Variants in CCN4 observed in about 807,000 individuals in gnomAD.
The protein encoded by CCN4 is CCN family member 4.
In CCN4, 30 loss-of-function variants were observed where a neutral mutation model predicts 36.7. The ratio of observed to expected loss-of-function variants is 0.82; its 90% CI spans 0.61 to 1.11. The LOEUF (loss-of-function observed/expected upper bound fraction) is 1.11. CCN4 is among the 50% of genes least tolerant of loss of function. The pLI is 0.00. For synonymous variants in CCN4, 191 were observed against 195.4 expected, an observed-to-expected ratio of 0.98 and a Z score of 0.19; for missense variants, 505 against 504.9, an observed-to-expected ratio of 1.00 and a Z score of 0.00.
rs1854498704 is a variant in CCN4, at chr8:133,220,811, A to G, written c.580A>G (p.Lys194Glu). Reference sequence around the variant, plus strand: ...TGAGGACGACGCCAAGAGGCCACGCAAGACCGCACCCCGTGACACAGGAGC... The same window carrying G: ...TGAGGACGACGCCAAGAGGCCACGCGAGACCGCACCCCGTGACACAGGAGC... Reference protein sequence around the residue: ...VCEDDAKRPRKTAPRDTGAFD... With the variant: ...VCEDDAKRPRETAPRDTGAFD... Residue 194 changes from lysine to glutamate, a missense_variant, in exon 3 of 5, where the codon AAG becomes GAG. Lys to Glu is a moderately conservative substitution (Grantham distance 56). Coordinates refer to ENST00000250160, the MANE Select transcript of CCN4 (RefSeq NM_003882.4). 6.2e-7 allele frequency: 1 copy of G among 1,606,508 alleles called. No individual in the cohort carries two copies. Among genetic ancestry groups the G allele is most frequent in the South Asian group, 1.1e-5 (1 of 90,912 alleles).
At chr8:133,221,064 T>C (rs1250057831) in intron 3 of CCN4, among the ~76,000 whole-genome samples, 1 of 152,194 alleles carries the variant, frequency 6.6e-6, no homozygotes, top group African/African-American at 2.4e-5. Context: ...CAGCATAAAA[T>C]GAGGAGTGCT....
At position 133,191,077 on chromosome 8, in the gene CCN4, A is replaced by G; in HGVS notation, c.-68A>G. The G allele has an allele frequency of 6.4e-7, 1 of 1,571,674 alleles. No homozygotes were observed. Among genetic ancestry groups the G allele is most frequent in the East Asian group, 2.3e-5 (1 of 44,166 alleles). On this transcript the variant is annotated 5_prime_UTR_variant, in exon 1 of 5. Coordinates refer to ENST00000250160, the MANE Select transcript of CCN4 (RefSeq NM_003882.4). ...CTGATGGGCCGGCCAGTCTGGGCCC[A>G]GCTCCCCCGAGAGGTGGTCGGATCC...
intron 1 of CCN4, among the ~76,000 whole-genome samples, chr8:133,198,408 G>A (rs1007219174): frequency 3.3e-5 from 5 of 152,064 alleles, no homozygotes; most frequent in Admixed American, 2.0e-4. Context: ...GCACCTGGAC[G>A]TCCGAGGGGT....
In CCN4 at chr8:133,191,153, G is replaced by T. The variant is rs1285046348; in HGVS notation, c.9G>T (p.Trp3Cys). Residue 3 changes from tryptophan (W) to cysteine (C), a missense_variant, in exon 1 of 5, where the codon TGG becomes TGT. Coordinates refer to ENST00000250160, the MANE Select transcript of CCN4 (RefSeq NM_003882.4). MRWFLPWTLAAVT... is the reference protein window; with the variant it reads MRCFLPWTLAAVT... ...GCCACTGACGTCCAGGCATGAGGTG[G>T]TTCCTGCCCTGGACGCTGGCAGCAG... 3.7e-6 allele frequency: 6 copies of T among 1,606,754 alleles called. No homozygotes were observed. The highest frequency in any genetic ancestry group is 5.1e-6 in the Non-Finnish European group (6 of 1,179,870).
In CCN4 at chr8:133,225,594, A is replaced by T. The variant is rs774695684; in HGVS notation, c.804+11A>T. ...CATACACTCATTAAGGTGGGTCCAG[A>T]GCAGGTGTGGATGTCTAGACTTCAC... On this transcript the variant is annotated intron_variant, in intron 4 of 4. Coordinates refer to ENST00000250160, the MANE Select transcript of CCN4 (RefSeq NM_003882.4). 2 of 1,567,676 alleles carry T rather than the reference A, an allele frequency of 1.3e-6. No homozygotes were observed. The highest frequency in any genetic ancestry group is 2.7e-5 in the African/African-American group (2 of 74,068).
chr8:133,201,140 G>A (rs1853575097), intron 1 of CCN4, among the ~76,000 whole-genome samples: 1 of 152,170 alleles, frequency 6.6e-6, no homozygotes. Context: ...GATGCTTTGA[G>A]TCCCAGGGCT....
chr8:133,191,672 G>A (rs1022982235), intron 1 of CCN4, among the ~76,000 whole-genome samples: 3 of 152,172 alleles, frequency 2.0e-5, no homozygotes, highest in African/African-American at 7.2e-5. Context: ...GAGATGCTGC[G>A]AAGATGGGAG....
At chr8:133,221,786 T>C (rs967186384) in intron 3 of CCN4, among the ~76,000 whole-genome samples, 2 of 151,666 alleles carry the variant, frequency 1.3e-5, no homozygotes, top group South Asian at 2.1e-4. Context: ...GATGGATGAA[T>C]GGATGGATGG....
chr8:133,204,739 G>C (rs1008022745), intron 1 of CCN4, among the ~76,000 whole-genome samples: 1 of 152,222 alleles, frequency 6.6e-6, no homozygotes, highest in Non-Finnish European at 1.5e-5. Context: ...ATTTTTAGTA[G>C]AGACAGGGTT....
chr8:133,203,154 C>T lies in CCN4; in HGVS notation c.70-9710C>T, dbSNP rs146751196. Among the ~76,000 whole-genome samples, 4 of 152,330 alleles carry T rather than the reference C, an allele frequency of 2.6e-5. No individual in the cohort carries two copies. The East Asian group carries it at 7.7e-4, about 29-fold the overall frequency. On this transcript the variant is annotated intron_variant, in intron 1 of 4. Coordinates refer to ENST00000250160, the MANE Select transcript of CCN4 (RefSeq NM_003882.4). The stretch of plus-strand genomic sequence containing the variant: ...GACCGTCCACACTGCTCACGGAGCA[C>T]TTGCCCAGGGTGTGCCAGGCGCAGT...
At chr8:133,210,390 T>G (rs928910476) in intron 1 of CCN4, among the ~76,000 whole-genome samples, 20 of 102,012 alleles carry the variant, frequency 2.0e-4, no homozygotes, top group Non-Finnish European at 3.4e-4. Flanking sequence ...AAGAGGGGTG[T>G]GTGTGTGTGT....
chr8:133,222,122 T>C (rs1197122135), intron 3 of CCN4, among the ~76,000 whole-genome samples: 3 of 151,510 alleles, frequency 2.0e-5, no homozygotes, highest in Non-Finnish European at 4.4e-5. Flanking sequence ...AATTAATGGA[T>C]GGATGGATGG....
intron 1 of CCN4, among the ~76,000 whole-genome samples, chr8:133,210,598 T>A (rs988155043): frequency 6.6e-6 from 1 of 151,976 alleles, no homozygotes; most frequent in African/African-American, 2.4e-5. Flanking sequence ...AGAGCCTTCC[T>A]CCCTGCAGGG....
intron 1 of CCN4, among the ~76,000 whole-genome samples, chr8:133,210,386 GGTGTGTGTGTGTGTGT>G (rs71299053): frequency 1.7e-4 from 25 of 145,588 alleles, no homozygotes; most frequent in Admixed American, 1.7e-3. Flanking sequence ...CAAAAAGAGG[GGTGTGTGTGTGTGTGT>G]GTGTGTGTGT....
intron 1 of CCN4, 118 bp downstream of exon 1, chr8:133,191,331 G>A (rs1853102047): frequency 8.0e-7 from 1 of 1,244,982 alleles, no homozygotes; most frequent in Non-Finnish European, 1.1e-6. Context: ...GCTGGAAGGT[G>A]GCCACTTACA....
At chr8:133,191,709 A>G (rs568206050) in intron 1 of CCN4, among the ~76,000 whole-genome samples, 7 of 152,338 alleles carry the variant, frequency 4.6e-5, no homozygotes, top group African/African-American at 1.7e-4. Flanking sequence ...AAAATTGGAA[A>G]GAAAAATGCC....
chr8:133,220,651 C>T lies in CCN4; in HGVS notation c.420C>T (p.Cys140=). The T allele has an allele frequency of 6.2e-7, 1 of 1,614,218 alleles. No individual in the cohort carries two copies. Among genetic ancestry groups the T allele is most frequent in the Non-Finnish European group, 8.5e-7 (1 of 1,180,028 alleles). ...YNNGQSFQPN[C]KYNCTCIDGA... ...ACGGCCAGTCCTTCCAGCCTAACTG[C>T]AAGTACAACTGCACGTGCATCGACG... The change falls in exon 3 of 5, where the codon TGC becomes TGT. Residue 140 remains cysteine, a synonymous_variant. Coordinates refer to ENST00000250160, the MANE Select transcript of CCN4 (RefSeq NM_003882.4).
chr8:133,200,308 A>G (rs534696389), intron 1 of CCN4, among the ~76,000 whole-genome samples: 2 of 152,222 alleles, frequency 1.3e-5, no homozygotes, highest in Non-Finnish European at 2.9e-5. Context: ...ACTGGAGCCC[A>G]GGGCCTCTCC....
intron 1 of CCN4, among the ~76,000 whole-genome samples, chr8:133,201,792 G>A (rs1276204870): frequency 6.6e-6 from 1 of 151,988 alleles, no homozygotes; most frequent in Non-Finnish European, 1.5e-5. Context: ...GCAGTGAGCC[G>A]AGATCACGCC....
Sources: allele counts gnomAD v4.1 joint callset (sites outside exome capture counted in the v4.1 genomes callset), GRCh38; gene constraint gnomAD v4.1.1; transcripts MANE v1.5; gene names NCBI Gene and HGNC (gene_info 2026-07-23, HGNC 2026-07-21).